The following VPS8 variants were observed in gnomAD, a reference collection of about 807,000 sequenced individuals.
The protein encoded by VPS8 is VPS8 subunit of CORVET complex.
Under a neutral mutation model 216.4 loss-of-function variants are expected in VPS8, and 129 were observed. The observed-to-expected ratio is 0.60, with a 90% CI of 0.52 to 0.69. The LOEUF is 0.69. Ranked by LOEUF, VPS8 falls within the 30% of genes least tolerant of loss-of-function variation. The pLI is 0.00. For synonymous variants in VPS8, 571 were observed against 565.4 expected, an observed-to-expected ratio of 1.01 and a Z score of -0.14; for missense variants, 1,531 against 1,683.5, an observed-to-expected ratio of 0.91 and a Z score of 1.59.
chr3:184,927,538 A>T (rs934957835), intron 31 of VPS8, among the ~76,000 whole-genome samples: 2 of 152,134 alleles, frequency 1.3e-5, no homozygotes, highest in African/African-American at 4.8e-5. Flanking sequence ...TGTAAAAATT[A>T]ATTCTATGAG....
chr3:185,026,199 A>C (rs954059408), intron 46 of VPS8, among the ~76,000 whole-genome samples: 1 of 152,202 alleles, frequency 6.6e-6, no homozygotes, highest in East Asian at 1.9e-4. Context: ...TGATAAAAAA[A>C]ATAATGATAC....
In VPS8 at chr3:184,844,922, A is replaced by T. The variant is rs114035035; in HGVS notation, c.541+1677A>T. 4.4e-3 allele frequency among the ~76,000 whole-genome samples: 671 copies of T among 152,006 alleles called. 7 individuals are homozygous for T. The highest frequency in any genetic ancestry group is 0.015 in the African/African-American group (629 of 41,454). On this transcript the variant is annotated intron_variant, in intron 8 of 47. Transcript: ENST00000625842. ...GATTTTCTAATTTTTCATAGGCAAA[A>T]CTCTTTGTCAACTCAGTGAAGTTTA...
chr3:184,832,781 G>A lies in VPS8; in HGVS notation c.315G>A (p.Val105=), dbSNP rs151172596. Residue 105 remains valine (V), a synonymous_variant, in exon 4 of 48, where the codon GTG becomes GTA. Transcript: ENST00000625842. ...IDSHSYDTSS[V]ASSDSGDRTN... is the part of the protein sequence containing the mutation. ...CTCACTCCTATGATACTTCATCTGT[G>A]GCAAGCTCAGATAGTGGTGACAGGA... 52 of 1,610,070 alleles carry A rather than the reference G, an allele frequency of 3.2e-5. No homozygotes were observed. In the African/African-American group the frequency reaches 6.1e-4, roughly 19 times the overall value.
chr3:185,034,083 C>T (rs1758541052), intron 46 of VPS8, among the ~76,000 whole-genome samples: 1 of 152,038 alleles, frequency 6.6e-6, no homozygotes, highest in Non-Finnish European at 1.5e-5. Flanking sequence ...CTGTTGTTCC[C>T]GTATTTATCT....
intron 17 of VPS8, 31 bp downstream of exon 17, chr3:184,866,981 T>G: frequency 6.2e-7 from 1 of 1,603,476 alleles, no homozygotes; most frequent in Non-Finnish European, 8.5e-7. Flanking sequence ...AGTTGGTATT[T>G]GTATGTATCA....
At chr3:185,005,474 T>A (rs1412276781) in intron 45 of VPS8, among the ~76,000 whole-genome samples, 1 of 152,188 alleles carries the variant, frequency 6.6e-6, no homozygotes, top group African/African-American at 2.4e-5. Context: ...AGTATGGTCA[T>A]TTTCACAATA....
intron 14 of VPS8, among the ~76,000 whole-genome samples, chr3:184,856,633 T>C (rs996296273): frequency 6.6e-6 from 1 of 152,186 alleles, no homozygotes; most frequent in Non-Finnish European, 1.5e-5. Context: ...TCCAAAAATC[T>C]CTTGAATTTC....
At chr3:184,858,810 T>C (rs1303570362) in intron 14 of VPS8, among the ~76,000 whole-genome samples, 1 of 152,204 alleles carries the variant, frequency 6.6e-6, no homozygotes, top group Non-Finnish European at 1.5e-5. Context: ...TGCTCTTGCC[T>C]GGTCTGCATT....
At chr3:184,857,014 G>A (rs1725384680) in intron 14 of VPS8, among the ~76,000 whole-genome samples, 1 of 152,282 alleles carries the variant, frequency 6.6e-6, no homozygotes, top group Middle Eastern at 3.4e-3. Flanking sequence ...GAGCCATTGT[G>A]CTTGGCCACA....
intron 25 of VPS8, among the ~76,000 whole-genome samples, chr3:184,912,252 C>G (rs1449134679): frequency 6.6e-6 from 1 of 152,118 alleles, no homozygotes; most frequent in Admixed American, 6.6e-5. Context: ...CTAACTCGCT[C>G]AGGTACAACA....
At chr3:184,966,540 A>C (rs1239953332) in intron 38 of VPS8, 131 bp from the exon 39 acceptor site, 2 of 477,976 alleles carry the variant, frequency 4.2e-6, no homozygotes, top group South Asian at 7.3e-5. Flanking sequence ...CTTCTGACTG[A>C]CACTAAAGGA....
intron 45 of VPS8, among the ~76,000 whole-genome samples, chr3:185,004,511 G>A (rs946157835): frequency 3.6e-4 from 47 of 129,732 alleles, no homozygotes; most frequent in Non-Finnish European, 5.0e-4. Flanking sequence ...GGGAGACCGC[G>A]GGGAGAGGGA....
chr3:184,869,929 T>A (rs1728047471), intron 20 of VPS8, among the ~76,000 whole-genome samples: 1 of 152,188 alleles, frequency 6.6e-6, no homozygotes. Context: ...TCATCTTGAA[T>A]ACTTTTAAAA....
At chr3:184,814,672 T>C (rs571174655) in intron 1 of VPS8, among the ~76,000 whole-genome samples, 1 of 152,320 alleles carries the variant, frequency 6.6e-6, no homozygotes, top group South Asian at 2.1e-4. Context: ...TGGATGGAGT[T>C]TGCAGGACTG....
rs1739711845 is a variant in VPS8 at position 184,926,654 on chromosome 3, T to G, written c.2631+4T>G. The G allele has an allele frequency of 6.2e-7, 1 of 1,600,168 alleles. No homozygotes were observed. The highest frequency in any genetic ancestry group is 1.3e-5 in the African/African-American group (1 of 74,666). ...CCGACACTCTGAAAGACAGCAGGTATGAACTACTAGAACTCTTTTTGCTAA... is the reference window on the plus strand; with the variant it reads ...CCGACACTCTGAAAGACAGCAGGTAGGAACTACTAGAACTCTTTTTGCTAA... On this transcript the variant is annotated splice_donor_region_variant and intron_variant, in intron 31 of 47. Coordinates refer to ENST00000625842, the MANE Select transcript of VPS8 (RefSeq NM_001009921.3).
rs142544984 is a variant in VPS8, at chr3:184,914,114, C to T, written c.2189+553C>T. ...AGAATTGAGCCCTGATAGAACTTTT[C>T]GGTAGATGACTATTTGTCAGGAAGG... On this transcript the variant is annotated intron_variant, in intron 26 of 47. Coordinates refer to ENST00000625842, the MANE Select transcript of VPS8 (RefSeq NM_001009921.3). 4.0e-3 allele frequency among the ~76,000 whole-genome samples: 608 copies of T among 152,262 alleles called. 2 individuals are homozygous for T. The highest frequency in any genetic ancestry group is 0.01 in the African/African-American group (417 of 41,560).
intron 45 of VPS8, among the ~76,000 whole-genome samples, chr3:185,004,253 G>A (rs1012509639): frequency 4.6e-5 from 7 of 152,240 alleles, no homozygotes; most frequent in South Asian, 2.1e-4. Flanking sequence ...CGAGGCTGGC[G>A]GATCACTCGT....
chr3:184,973,899 C>T (rs1748840736), intron 40 of VPS8, among the ~76,000 whole-genome samples: 1 of 152,080 alleles, frequency 6.6e-6, no homozygotes, highest in Admixed American at 6.5e-5. Context: ...TGGCCAAATA[C>T]CATTCTATTG....
intron 25 of VPS8, among the ~76,000 whole-genome samples, chr3:184,904,027 T>C (rs1196722472): frequency 6.6e-6 from 1 of 152,214 alleles, no homozygotes; most frequent in Admixed American, 6.5e-5. Context: ...AATTGTTTCC[T>C]TAATTTTATT....
Sources: gnomAD v4.1 joint callset for allele counts (sites outside exome capture counted in the v4.1 genomes callset) on GRCh38, gnomAD v4.1.1 for gene constraint, MANE v1.5 for transcripts, NCBI Gene and HGNC (gene_info 2026-07-23, HGNC 2026-07-21) for gene names.